The following CDKL4 variants were observed in gnomAD, a reference collection of about 807,000 sequenced individuals.
The protein encoded by CDKL4 is cyclin-dependent kinase-like 4.
CDKL4 carries 44 observed loss-of-function variants against 42.0 expected under a neutral mutation model. The observed-to-expected ratio is 1.05, with a 90% CI of 0.82 to 1.35. The LOEUF (loss-of-function observed/expected upper bound fraction) is 1.35. CDKL4 is among the 40% of genes most tolerant of loss of function. CDKL4 has a pLI of 0.00. For synonymous variants in CDKL4, 120 were observed against 121.6 expected (o/e 0.99, Z 0.09); for missense variants, 393 against 369.9 (o/e 1.06, Z -0.51).
chr2:39,168,601 G>C, the CDKL4 span, among the ~76,000 whole-genome samples: 2 of 151,566 alleles, frequency 1.3e-5, no homozygotes, highest in African/African-American at 4.8e-5. Context: ...TGGGTGTGGT[G>C]GCTCATATCT....
intron 4 of CDKL4, among the ~76,000 whole-genome samples, chr2:39,205,759 CAAAAA>C (rs1167041058): frequency 7.6e-5 from 6 of 78,688 alleles, no homozygotes; most frequent in Admixed American, 3.2e-4. Flanking sequence ...GACTCCGTCT[CAAAAA>C]AAAAAAAAAA....
At chr2:39,238,943 G>T (rs961558180) in intron 1 of CDKL4, among the ~76,000 whole-genome samples, 2 of 152,112 alleles carry the variant, frequency 1.3e-5, no homozygotes, top group African/African-American at 2.4e-5. Flanking sequence ...GTAAAGATGG[G>T]GTTTCACCAT....
At chr2:39,189,224 G>A (rs893146733) in intron 6 of CDKL4, among the ~76,000 whole-genome samples, 3 of 152,176 alleles carry the variant, frequency 2.0e-5, no homozygotes, top group African/African-American at 7.2e-5. Flanking sequence ...GTGTGTAGAG[G>A]TGTCACTTTC....
chr2:39,223,077 T>C (rs1640260071), intron 3 of CDKL4, among the ~76,000 whole-genome samples: 1 of 152,186 alleles, frequency 6.6e-6, no homozygotes, highest in African/African-American at 2.4e-5. Context: ...CATTTTTTCA[T>C]ATATCATCCC....
At chr2:39,199,572 A>G (rs1430623287) in intron 5 of CDKL4, among the ~76,000 whole-genome samples, 2 of 152,190 alleles carry the variant, frequency 1.3e-5, no homozygotes, top group African/African-American at 4.8e-5. Context: ...TGATGAACAT[A>G]GATGCAAAAA....
chr2:39,197,379 A>G (rs1328330462), intron 5 of CDKL4, among the ~76,000 whole-genome samples: 1 of 152,130 alleles, frequency 6.6e-6, no homozygotes, highest in Non-Finnish European at 1.5e-5. Context: ...AAGGAAAAAG[A>G]GAAATCTAAA....
chr2:39,168,752 GT>G, the CDKL4 span, among the ~76,000 whole-genome samples: 1 of 141,752 alleles, frequency 7.1e-6, no homozygotes, highest in Non-Finnish European at 1.5e-5. Context: ...TTTTTTTTTT[GT>G]TTTTTTGTTT....
intron 8 of CDKL4, among the ~76,000 whole-genome samples, chr2:39,180,205 C>G (rs765090495): frequency 6.6e-6 from 1 of 152,186 alleles, no homozygotes; most frequent in East Asian, 1.9e-4. Context: ...ATAGTGAGAC[C>G]GCATCTCTCC....
intron 5 of CDKL4, among the ~76,000 whole-genome samples, chr2:39,195,483 G>GT (rs1342629323): frequency 4.6e-5 from 7 of 152,004 alleles, no homozygotes; most frequent in Non-Finnish European, 8.8e-5. Flanking sequence ...TGTTCTGTGT[G>GT]TTTTTTAAAA....
intron 5 of CDKL4, among the ~76,000 whole-genome samples, chr2:39,198,053 T>C (rs10175855): frequency 0.69 from 104,950 of 151,856 alleles, 40,433 homozygotes; most frequent in Non-Finnish European, 0.86. Context: ...GCAGAGTAGA[T>C]AAAAATTCAC....
intron 5 of CDKL4, among the ~76,000 whole-genome samples, chr2:39,192,038 T>C (rs1301622938): frequency 6.6e-6 from 1 of 152,246 alleles, no homozygotes; most frequent in Non-Finnish European, 1.5e-5. Flanking sequence ...TAATCTTTAC[T>C]TGCTCATTGC....
Position 39,220,326 on chromosome 2 carries a change from C to T in CDKL4, c.290+5513G>A, listed in dbSNP as rs1027724210. ...ATTTTGTGGGGATGCCCGCTCTCTTCAAGCCTCCTCTCCCCACCTCCCCTC... is the reference window on the plus strand; with the variant it reads ...ATTTTGTGGGGATGCCCGCTCTCTTTAAGCCTCCTCTCCCCACCTCCCCTC... On this transcript the variant is annotated intron_variant, in intron 3 of 9. Coordinates refer to ENST00000451199, the Ensembl canonical transcript of CDKL4. Among the ~76,000 whole-genome samples, 52 of 152,140 alleles carry T rather than the reference C, an allele frequency of 3.4e-4. 1 individual carries two copies. The highest frequency in any genetic ancestry group is 2.4e-4 in the Non-Finnish European group (16 of 68,024).
intron 1 of CDKL4, among the ~76,000 whole-genome samples, chr2:39,235,026 C>T (rs1485115744): frequency 6.6e-6 from 1 of 151,988 alleles, no homozygotes; most frequent in Non-Finnish European, 1.5e-5. Flanking sequence ...GTAGCTGGGA[C>T]CACACCTGGT....
chr2:39,219,939 G>A (rs753750618), intron 3 of CDKL4, among the ~76,000 whole-genome samples: 1 of 152,110 alleles, frequency 6.6e-6, no homozygotes, highest in South Asian at 2.1e-4. Flanking sequence ...CAGTTAGGAC[G>A]TCAGGCATTT....
exon 2 of CDKL4, chr2:39,229,513 A>G: frequency 1.2e-6 from 2 of 1,606,188 alleles, no homozygotes; most frequent in South Asian, 2.3e-5. Context: ...AGTCTTAGCT[A>G]ATTTTTCATA....
intron 2 of CDKL4, 79 bp downstream of exon 2, chr2:39,229,286 C>T (rs551082412): frequency 6.2e-4 from 656 of 1,066,444 alleles, no homozygotes; most frequent in Middle Eastern, 9.1e-4. Context: ...GGGAAAATAA[C>T]TTTAAAATTC....
intron 3 of CDKL4, among the ~76,000 whole-genome samples, chr2:39,222,477 G>A (rs7595015): frequency 6.6e-6 from 1 of 151,860 alleles, no homozygotes; most frequent in South Asian, 2.1e-4. Context: ...GTAGTCCCAG[G>A]TATTTGGGAG....
the CDKL4 span, among the ~76,000 whole-genome samples, chr2:39,168,474 G>T: frequency 6.6e-6 from 1 of 152,132 alleles, no homozygotes; most frequent in Admixed American, 6.5e-5. Context: ...GGTGGCTTAT[G>T]CCTGTAATCC....
chr2:39,184,715 C>A, intron 7 of CDKL4, 68 bp from the exon 8 acceptor site: 3 of 992,316 alleles, frequency 3.0e-6, no homozygotes, highest in Non-Finnish European at 4.7e-6. Flanking sequence ...TATATATGTG[C>A]GTATGTATGT....
Sources: gnomAD v4.1 joint callset for allele counts (sites outside exome capture counted in the v4.1 genomes callset) on GRCh38, gnomAD v4.1.1 for gene constraint, MANE v1.5 for transcripts, NCBI Gene and HGNC (gene_info 2026-07-23, HGNC 2026-07-21) for gene names.